Variants in XPO7 observed in about 807,000 individuals in gnomAD.
The protein encoded by XPO7 is exportin 7, also known as exportin-7.
A neutral mutation model predicts 144.3 loss-of-function variants in XPO7; 21 were observed. That is an observed-to-expected ratio of 0.15 (90% CI 0.10 to 0.21). The LOEUF (loss-of-function observed/expected upper bound fraction) is 0.21, where lower values mean the gene tolerates loss of function less well. Ranked by LOEUF, XPO7 falls within the 10% of genes least tolerant of loss-of-function variation. XPO7 has a pLI of 1.00. For missense variants in XPO7, 808 were observed against 1,325.8 expected (o/e 0.61, Z 6.06); for synonymous variants, 580 against 499.6 (o/e 1.16, Z -2.15).
chr8:21,967,669 G>C (rs988766385), intron 2 of XPO7, among the ~76,000 whole-genome samples: 1 of 152,052 alleles, frequency 6.6e-6, no homozygotes, highest in Admixed American at 6.6e-5. Flanking sequence ...CCTAGTACAA[G>C]ATCCTCAGTC....
In XPO7 at chr8:22,003,200, T is replaced by G. The variant is rs776113737; in HGVS notation, c.2944-19T>G. 20 of 1,592,540 alleles carry G rather than the reference T, an allele frequency of 1.3e-5. No individual in the cohort carries two copies. Among genetic ancestry groups the G allele is most frequent in the South Asian group, 1.3e-4 (11 of 87,770 alleles). On this transcript the variant is annotated intron_variant, in intron 25 of 27. Transcript: ENST00000252512. ...CAATACATTAGGTCACTGCCTGAAA[T>G]TCTCCATTCCATTTTCAGATGCTGT...
intron 21 of XPO7, 35 bp from the exon 22 acceptor site, chr8:21,998,720 C>T: frequency 6.2e-7 from 1 of 1,601,062 alleles, no homozygotes; most frequent in African/African-American, 1.3e-5. Context: ...AAGAAAACAC[C>T]TCTGACTTTT....
In XPO7 at chr8:21,970,375, C is replaced by T; in HGVS notation, c.426+65C>T. The stretch of plus-strand genomic sequence containing the variant: ...CAGCATATACATATATATAAACACA[C>T]ACACACACACACACACAACTTAACA... On this transcript the variant is annotated intron_variant, in intron 4 of 27. Coordinates refer to ENST00000252512, the MANE Select transcript of XPO7 (RefSeq NM_015024.5). The T allele has an allele frequency of 1.5e-6, 2 of 1,349,430 alleles. 1 individual carries two copies. 83.6% of individuals were successfully genotyped at this position (1,349,430 alleles called of 1,614,324 possible).
chr8:21,961,844 G>A (rs1433084810), intron 1 of XPO7, among the ~76,000 whole-genome samples: 1 of 146,132 alleles, frequency 6.8e-6, no homozygotes, highest in Admixed American at 6.7e-5. Flanking sequence ...TGTACTTTTA[G>A]TAGAGACGGG....
At chr8:22,004,291 C>T (rs1241815059) in intron 27 of XPO7, among the ~76,000 whole-genome samples, 1 of 152,092 alleles carries the variant, frequency 6.6e-6, no homozygotes, top group East Asian at 1.9e-4. Context: ...TTTTGTACTA[C>T]ATTTCCAAAA....
At chr8:21,934,402 G>A (rs957524226) in intron 1 of XPO7, among the ~76,000 whole-genome samples, 3 of 151,976 alleles carry the variant, frequency 2.0e-5, no homozygotes, top group South Asian at 2.1e-4. Flanking sequence ...GCGTGGTGGC[G>A]CATGCCTGTA....
At chr8:21,990,543 GC>G in intron 17 of XPO7, 136 bp downstream of exon 17, 1 of 1,008,522 alleles carries the variant, frequency 9.9e-7, no homozygotes, top group Non-Finnish European at 1.5e-6. Context: ...CCACGATACT[GC>G]CAGATTATAC....
chr8:21,995,288 T>C (rs1812909065), intron 20 of XPO7, among the ~76,000 whole-genome samples: 1 of 152,162 alleles, frequency 6.6e-6, no homozygotes, highest in Non-Finnish European at 1.5e-5. Flanking sequence ...AACTAAAATG[T>C]ATTATGAGAT....
Position 21,994,067 on chromosome 8 carries a change from C to CT in XPO7, c.2149-295dup, listed in dbSNP as rs544284811. ...CAATGTCTTAAAACCTTATCAGCCT[C>CT]TATTTTTGCTACGAACCAGGAACGT... is the stretch of plus-strand genomic sequence containing the variant. On this transcript the variant is annotated intron_variant, in intron 19 of 27. Transcript: ENST00000252512. Among the ~76,000 whole-genome samples the CT allele has an allele frequency of 7.3e-4, 111 of 151,498 alleles. 1 individual carries two copies. Among genetic ancestry groups the CT allele is most frequent in the Non-Finnish European group, 1.1e-3 (75 of 67,928 alleles).
chr8:21,934,839 A>G (rs73541535), intron 1 of XPO7, among the ~76,000 whole-genome samples: 1,948 of 152,330 alleles, frequency 0.013, 45 homozygotes, highest in African/African-American at 0.045. Context: ...AATTAGGAAA[A>G]AGCATGGAGT....
rs1812526112 is a variant in XPO7, at chr8:21,984,823, C to T, written c.1455C>T (p.Asp485=). The change falls in exon 12 of 28, where the codon GAC becomes GAT. Residue 485 remains aspartate, a synonymous_variant. Transcript: ENST00000252512. ...LLQSASASPM[D]IAVQEGRLTW... ...AGAGCGCCAGCGCAAGCCCAATGGACATTGCAGTGCAGGAGGGTGAGTGTG... is the reference window on the plus strand; with the variant it reads ...AGAGCGCCAGCGCAAGCCCAATGGATATTGCAGTGCAGGAGGGTGAGTGTG... The T allele has an allele frequency of 1.2e-6, 2 of 1,613,828 alleles. No individual in the cohort carries two copies. Among genetic ancestry groups the T allele is most frequent in the East Asian group, 2.2e-5 (1 of 44,876 alleles).
chr8:21,931,000 G>A (rs150827424), intron 1 of XPO7, among the ~76,000 whole-genome samples: 148 of 151,952 alleles, frequency 9.7e-4, no homozygotes, highest in African/African-American at 3.5e-3. Flanking sequence ...GCACCACCAT[G>A]CCCAGCTAAT....
chr8:21,988,973 C>G, intron 15 of XPO7, 30 bp from the exon 16 acceptor site: 1 of 1,604,380 alleles, frequency 6.2e-7, no homozygotes, highest in Non-Finnish European at 8.5e-7. Context: ...AAAAGGGTCT[C>G]CTGCTTTTTT....
chr8:21,998,067 G>A (rs1036313652), intron 21 of XPO7, among the ~76,000 whole-genome samples: 1 of 152,282 alleles, frequency 6.6e-6, no homozygotes, highest in East Asian at 1.9e-4. Flanking sequence ...TCCCTCAGTT[G>A]CCACTGAAGC....
At position 21,995,488 on chromosome 8, in the gene XPO7, A is replaced by AC; in HGVS notation, c.2238-3dup. On this transcript the variant is annotated splice_region_variant and splice_polypyrimidine_tract_variant and intron_variant, in intron 20 of 27. Coordinates refer to ENST00000252512, the MANE Select transcript of XPO7 (RefSeq NM_015024.5). ...GAAATCTTTCCTTAGCTTCTCATTT[A>AC]CAGATATCCATCCTATATGCCAATT... 6.2e-7 allele frequency: 1 copy of AC among 1,600,586 alleles called. No homozygotes were observed. Among genetic ancestry groups the AC allele is most frequent in the Non-Finnish European group, 8.5e-7 (1 of 1,172,168 alleles).
At chr8:21,977,712 T>C (rs1001623385) in intron 7 of XPO7, 58 bp from the exon 8 acceptor site, 33 of 1,513,892 alleles carry the variant, frequency 2.2e-5, no homozygotes, top group Non-Finnish European at 2.7e-5. Context: ...GCTGGAAGTA[T>C]GCCAGCGGCA....
chr8:21,929,060 C>G (rs1469243489), intron 1 of XPO7, among the ~76,000 whole-genome samples: 1 of 152,182 alleles, frequency 6.6e-6, no homozygotes, highest in Non-Finnish European at 1.5e-5. Context: ...TGTTTCTAAC[C>G]CAAGCCCAGT....
rs1029828705 is a variant in XPO7 at position 21,920,153 on chromosome 8, C to T, written c.18+365C>T. ...CCCCCGGTGAAGCGAGGGGGACCCC[C>T]TTGCTGACTTTACTGAGGGGGACGC... On this transcript the variant is annotated intron_variant, in intron 1 of 27. Transcript: ENST00000252512. 2.6e-5 allele frequency among the ~76,000 whole-genome samples: 4 copies of T among 151,058 alleles called. No homozygotes were observed. The East Asian group carries it at 5.9e-4, about 22-fold the overall frequency.
chr8:22,000,565 G>A (rs182908292), intron 24 of XPO7, among the ~76,000 whole-genome samples: 74 of 148,630 alleles, frequency 5.0e-4, no homozygotes, highest in African/African-American at 1.8e-3. Context: ...CCATTCTTCT[G>A]CCTCAGCCTC....
Sources: gnomAD v4.1 joint callset for allele counts (sites outside exome capture counted in the v4.1 genomes callset) on GRCh38, gnomAD v4.1.1 for gene constraint, MANE v1.5 for transcripts, NCBI Gene and HGNC (gene_info 2026-07-23, HGNC 2026-07-21) for gene names.